Variants in MYT1L observed in about 807,000 individuals in gnomAD.
The protein encoded by MYT1L is myelin transcription factor 1-like protein.
A neutral mutation model predicts 126.7 loss-of-function variants in MYT1L; 12 were observed. That is an observed-to-expected ratio of 0.09 (90% CI 0.06 to 0.15). MYT1L has a LOEUF of 0.15. Ranked by LOEUF, MYT1L falls within the 10% of genes least tolerant of loss-of-function variation. The pLI, the probability that MYT1L is intolerant of heterozygous loss-of-function variation, is 1.00. For missense variants in MYT1L, 979 were observed against 1,585.2 expected (o/e 0.62, Z 6.49); for synonymous variants, 541 against 604.2 (o/e 0.90, Z 1.53).
chr2:2,036,418 C>T (rs1181867407), intron 4 of MYT1L, among the ~76,000 whole-genome samples: 10 of 131,600 alleles, frequency 7.6e-5, no homozygotes, highest in East Asian at 2.5e-4. Flanking sequence ...CCCTCCAATG[C>T]GGGTGCAGAA....
chr2:2,114,936 C>G (rs995238482), intron 3 of MYT1L, among the ~76,000 whole-genome samples: 4 of 152,214 alleles, frequency 2.6e-5, no homozygotes, highest in African/African-American at 7.2e-5. Context: ...ATCAGAAGAT[C>G]CACCCACTAT....
intron 12 of MYT1L, among the ~76,000 whole-genome samples, chr2:1,911,136 C>T (rs543373352): frequency 3.9e-5 from 6 of 152,268 alleles, no homozygotes; most frequent in African/African-American, 7.2e-5. Flanking sequence ...GCACACAGCA[C>T]GCACCTCTCC....
At chr2:1,958,704 G>A (rs111942618) in intron 8 of MYT1L, among the ~76,000 whole-genome samples, 7,979 of 152,146 alleles carry the variant, frequency 0.052, 627 homozygotes, top group African/African-American at 0.18. Flanking sequence ...GGGCTCAGCC[G>A]GCCCACCCGA....
chr2:2,117,904 A>AT (rs1040711436), intron 3 of MYT1L, among the ~76,000 whole-genome samples: 2 of 151,980 alleles, frequency 1.3e-5, no homozygotes, highest in African/African-American at 4.8e-5. Flanking sequence ...AATGCTTCTC[A>AT]TTTTTTTAAT....
chr2:1,945,325 G>A lies in MYT1L; in HGVS notation c.153-1991C>T, dbSNP rs566577811. ...GAGAGGAGGTGCAGGCTAGAGATGC[G>A]GGGAGCAGAAGACAGCCAGCGCCAT... is the stretch of plus-strand genomic sequence containing the variant. On this transcript the variant is annotated intron_variant, in intron 8 of 24. Coordinates refer to ENST00000647738, the MANE Select transcript of MYT1L (RefSeq NM_001303052.2). 5.9e-5 allele frequency among the ~76,000 whole-genome samples: 9 copies of A among 152,332 alleles called. No homozygotes were observed. In the Middle Eastern group the frequency reaches 0.017, roughly 288 times the overall value.
At chr2:1,859,080 C>T (rs1428760468) in intron 18 of MYT1L, among the ~76,000 whole-genome samples, 3 of 152,168 alleles carry the variant, frequency 2.0e-5, no homozygotes, top group African/African-American at 4.8e-5. Flanking sequence ...CTGGGTCTCC[C>T]GGGAGGCTTT....
intron 3 of MYT1L, among the ~76,000 whole-genome samples, chr2:2,154,762 C>A (rs2086442420): frequency 6.6e-6 from 1 of 152,134 alleles, no homozygotes; most frequent in South Asian, 2.1e-4. Context: ...ATAATCTGTA[C>A]AACAAACCCC....
chr2:2,236,786 TCTTCTTCTTCTTCTTCTTCTTCTTC>T (rs2094323694), intron 2 of MYT1L, among the ~76,000 whole-genome samples: 1 of 17,786 alleles, frequency 5.6e-5, no homozygotes, highest in African/African-American at 4.7e-4. Flanking sequence ...TTCTTCTTCT[TCTTCTTCTTCTTCTTCTTCTTCTTC>T]TTCTTTTTTT....
intron 3 of MYT1L, among the ~76,000 whole-genome samples, chr2:2,162,974 G>A (rs557649080): frequency 2.6e-5 from 4 of 152,084 alleles, no homozygotes; most frequent in African/African-American, 7.2e-5. Context: ...TTTACTGCCC[G>A]CACTGATAAA....
At chr2:2,086,991 T>C in intron 3 of MYT1L, among the ~76,000 whole-genome samples, 1 of 152,146 alleles carries the variant, frequency 6.6e-6, no homozygotes, top group Non-Finnish European at 1.5e-5. Flanking sequence ...CAGCATTGTC[T>C]TAGGAGAAAA....
At chr2:2,137,421 G>A (rs1248110058) in intron 3 of MYT1L, among the ~76,000 whole-genome samples, 5 of 152,018 alleles carry the variant, frequency 3.3e-5, no homozygotes, top group South Asian at 4.2e-4. Flanking sequence ...AAAGCATCAC[G>A]CTACCTGACT....
chr2:2,267,544 GC>G (rs370686779), intron 2 of MYT1L, among the ~76,000 whole-genome samples: 66 of 152,252 alleles, frequency 4.3e-4, no homozygotes, highest in African/African-American at 1.5e-3. Context: ...GAAAAAAAAT[GC>G]CCCAGATGGA....
chr2:2,149,995 T>C (rs770419105), intron 3 of MYT1L, among the ~76,000 whole-genome samples: 16 of 152,180 alleles, frequency 1.1e-4, no homozygotes, highest in Non-Finnish European at 1.5e-5. Context: ...CACATCCAAA[T>C]TCACATCCCA....
At chr2:1,863,704 T>C (rs1476176828) in intron 18 of MYT1L, among the ~76,000 whole-genome samples, 1 of 134,372 alleles carries the variant, frequency 7.4e-6, no homozygotes, top group East Asian at 2.3e-4. Flanking sequence ...GTGGCGACAG[T>C]GGAAGGACTT....
rs138814308 is a variant in MYT1L at position 2,154,923 on chromosome 2, T to C, written c.-304+17949A>G. Among the ~76,000 whole-genome samples, 1,316 of 152,196 alleles carry C rather than the reference T, an allele frequency of 8.6e-3. 18 individuals carry two copies. The highest frequency in any genetic ancestry group is 0.026 in the African/African-American group (1,095 of 41,528). On this transcript the variant is annotated intron_variant, in intron 3 of 24. Transcript: ENST00000647738. The stretch of plus-strand genomic sequence containing the variant: ...AGGCAAATCACCTGAGGTTGGGAGT[T>C]CAAGACCAGCCTGACCAACATGGAG...
At chr2:1,964,917 G>A (rs1558562459) in intron 8 of MYT1L, among the ~76,000 whole-genome samples, 1 of 152,160 alleles carries the variant, frequency 6.6e-6, no homozygotes, top group Non-Finnish European at 1.5e-5. Context: ...ACAGCCGTGG[G>A]TACAGGAAAT....
chr2:1,934,206 C>T (rs952074184), intron 9 of MYT1L, among the ~76,000 whole-genome samples: 124 of 150,962 alleles, frequency 8.2e-4, no homozygotes, highest in Admixed American at 4.6e-3. Flanking sequence ...GATCTCCTGA[C>T]CTCGTGATCC....
At chr2:1,830,990 T>C (rs1483478641) in intron 21 of MYT1L, among the ~76,000 whole-genome samples, 4 of 152,154 alleles carry the variant, frequency 2.6e-5, no homozygotes, top group South Asian at 4.1e-4. Flanking sequence ...AGCTGAGTGT[T>C]GGGGACAAAA....
intron 3 of MYT1L, among the ~76,000 whole-genome samples, chr2:2,145,642 G>GACACACACACACAC (rs139332300): frequency 9.8e-4 from 144 of 146,526 alleles, no homozygotes; most frequent in African/African-American, 3.4e-3. Context: ...ACACACACAA[G>GACACACACACACAC]ACACACACAC....
Sources: allele counts gnomAD v4.1 joint callset (sites outside exome capture counted in the v4.1 genomes callset), GRCh38; gene constraint gnomAD v4.1.1; transcripts MANE v1.5; gene names NCBI Gene and HGNC (gene_info 2026-07-23, HGNC 2026-07-21).